The following GMNC variants were observed in gnomAD, a reference collection of about 807,000 sequenced individuals.
The protein encoded by GMNC is geminin coiled-coil domain containing, also known as geminin coiled-coil domain-containing protein 1.
GMNC carries 16 observed loss-of-function variants against 33.6 expected under a neutral mutation model. The observed-to-expected ratio is 0.48, with a 90% CI of 0.32 to 0.72. The LOEUF is 0.72. GMNC is among the 30% of genes least tolerant of loss of function. The probability of loss-of-function intolerance (pLI) is 0.03; values close to 1 mark genes in which losing one functional copy is unlikely to be tolerated. For synonymous variants in GMNC, 156 were observed against 147.3 expected (o/e 1.06, Z -0.43); for missense variants, 393 against 388.9 (o/e 1.01, Z -0.09).
chr3:190,855,347 C>T lies in GMNC; in HGVS notation c.953G>A (p.Arg318His), dbSNP rs114741982. Residue 318 changes from arginine (R) to histidine (H), a missense_variant, in exon 5 of 5, where the codon CGT becomes CAT. By Grantham distance (29) the Arg-to-His change is conservative. Coordinates refer to ENST00000442080, the MANE Select transcript of GMNC (RefSeq NM_001146686.3). ...HSFHQGQAFV[R>H]RDEEGGWKFT... is the part of the protein sequence containing the mutation. ...CTTCCAGCCTCCCTCCTCATCTCGA[C>T]GCACAAAGGCTTGTCCCTGGTGGAA... is the stretch of plus-strand genomic sequence containing the variant. 4.2e-4 allele frequency: 651 copies of T among 1,551,736 alleles called. 2 individuals are homozygous for T. In the African/African-American group the frequency reaches 7.7e-3, roughly 18 times the overall value.
chr3:190,845,460 AATG>A, the GMNC span, among the ~76,000 whole-genome samples: 3 of 151,874 alleles, frequency 2.0e-5, no homozygotes, highest in African/African-American at 7.3e-5. Flanking sequence ...TTCAGAAAGG[AATG>A]ATAAGGTCTA....
At chr3:190,846,103 C>G in the GMNC span, among the ~76,000 whole-genome samples, 1 of 152,034 alleles carries the variant, frequency 6.6e-6, no homozygotes, top group African/African-American at 2.4e-5. Context: ...ATGGCATGCA[C>G]GTGTGATCCC....
downstream of GMNC, among the ~76,000 whole-genome samples, chr3:190,847,796 G>C (rs143344750): frequency 0.01 from 1,580 of 152,228 alleles, 26 homozygotes; most frequent in African/African-American, 0.037. Context: ...GTTAGGATAG[G>C]CTCTTTTCTC....
At chr3:190,852,048 A>G (rs1737643462), downstream of GMNC, among the ~76,000 whole-genome samples, 1 of 152,066 alleles carries the variant, frequency 6.6e-6, no homozygotes, top group Non-Finnish European at 1.5e-5. Flanking sequence ...GTAGCTTGAA[A>G]ACAAATTCTA....
chr3:190,859,449 ATAAT>A (rs1227516115), intron 2 of GMNC, among the ~76,000 whole-genome samples: 6 of 152,248 alleles, frequency 3.9e-5, no homozygotes, highest in African/African-American at 1.4e-4. Context: ...GTTTGGCTCT[ATAAT>A]TAAATTCTAG....
At position 190,854,898 on chromosome 3, in the gene GMNC, A is replaced by C. The variant is rs2108529848; in HGVS notation, c.*397T>G. The C allele has an allele frequency of 5.3e-6, 1 of 188,400 alleles. No homozygotes were observed. The highest frequency in any genetic ancestry group is 2.3e-5 in the African/African-American group (1 of 42,640). The allele number at this position is 188,400 out of a possible 1,614,324, so 11.7% of individuals were successfully genotyped here. A position where few individuals can be genotyped will look rare whatever the true frequency, so the allele number is the denominator to read the frequency against. On this transcript the variant is annotated 3_prime_UTR_variant, in exon 5 of 5. Coordinates refer to ENST00000442080, the MANE Select transcript of GMNC (RefSeq NM_001146686.3). Reference sequence around the variant, plus strand: ...ATTCTAAAGACAGTTTTCAGAAATGACAAAGGGAGAAAAGTAAAAGGGCTG... The same window carrying C: ...ATTCTAAAGACAGTTTTCAGAAATGCCAAAGGGAGAAAAGTAAAAGGGCTG...
rs1014737997 is a variant in GMNC, at chr3:190,862,630, A to G, written c.-15T>C. The G allele has an allele frequency of 6.4e-7, 1 of 1,552,262 alleles. No homozygotes were observed. The highest frequency in any genetic ancestry group is 2.0e-5 in the Admixed American group (1 of 51,018). ...TCACTTACCATCTTGCAGTGGAAGA[A>G]AGCGCTGCAGAAACTGAGCCCACTC... On this transcript the variant is annotated 5_prime_UTR_variant, in exon 1 of 5. Transcript: ENST00000442080. This position sits in a 1 kb window ranked among gnomAD's most constrained non-coding sequence, Gnocchi z 4.5.
At position 190,861,455 on chromosome 3, in the gene GMNC, C is replaced by CATCAATCT. The variant is rs1553787543; in HGVS notation, c.4-598_4-597insAGATTGAT. ...TCTGTCTGTCTGTCTGTCTGCCTAT[C>CATCAATCT]ATCTATCTATCTATCTATCTATCTA... is the stretch of plus-strand genomic sequence containing the variant. On this transcript the variant is annotated intron_variant, in intron 1 of 4. Coordinates refer to ENST00000442080, the MANE Select transcript of GMNC (RefSeq NM_001146686.3). The surrounding 1 kb of genome is among the most constrained non-coding windows in gnomAD (Gnocchi z 5.1). 3.4e-5 allele frequency among the ~76,000 whole-genome samples: 5 copies of CATCAATCT among 145,896 alleles called. No homozygotes were observed. The highest frequency in any genetic ancestry group is 7.5e-5 in the Non-Finnish European group (5 of 66,462).
rs1737694366 is a variant in GMNC at position 190,854,654 on chromosome 3, A to G, written c.*641T>C. 1 of 152,330 alleles carries G rather than the reference A, an allele frequency of 6.6e-6. No individual in the cohort carries two copies. Among genetic ancestry groups the G allele is most frequent in the South Asian group, 2.1e-4 (1 of 4,840 alleles). 9.4% of individuals were successfully genotyped at this position (152,330 alleles called of 1,614,324 possible). On this transcript the variant is annotated 3_prime_UTR_variant, in exon 5 of 5. Transcript: ENST00000442080. ...TAAATTCTTTGTAATTTTAAAGTTT[A>G]TCTGTGATATTGATTATTAGTGGAG...
At position 190,855,450 on chromosome 3, in the gene GMNC, C is replaced by T. The variant is rs1457161048; in HGVS notation, c.850G>A (p.Ala284Thr). 6.4e-7 allele frequency: 1 copy of T among 1,551,936 alleles called. No homozygotes were observed. Among genetic ancestry groups the T allele is most frequent in the East Asian group, 2.4e-5 (1 of 40,916 alleles). Reference sequence around the variant, plus strand: ...TCTGTCTTGTTGGGTGACACATGAGCAGTATAGTAAGGAAGAGTTTTCAGC... The same window carrying T: ...TCTGTCTTGTTGGGTGACACATGAGTAGTATAGTAAGGAAGAGTTTTCAGC... Reference protein sequence around the residue: ...VGLKTLPYYTAHVSPNKTEMA... With the variant: ...VGLKTLPYYTTHVSPNKTEMA... Residue 284 changes from alanine (A) to threonine (T), a missense_variant, in exon 5 of 5, where the codon GCT (alanine) becomes ACT (threonine). By Grantham distance (58) the Ala-to-Thr change is moderately conservative (BLOSUM62 0). Transcript: ENST00000442080.
At position 190,858,982 on chromosome 3, in the gene GMNC, G is replaced by T. The variant is rs770889285; in HGVS notation, c.213C>A (p.Asp71Glu). The change falls in exon 3 of 5, where the codon GAC becomes GAA. Residue 71 changes from aspartate (D) to glutamate (E), a missense_variant. By Grantham distance (45) the Asp-to-Glu change is conservative. Transcript: ENST00000442080. ...GCTGAGCCTCTTCCCATGAGCACAA[G>T]TCCGGAAGAGGAAAATTTGAGTCAC... ...SFSDSNFPLP[D>E]LCSWEEAQLS... The T allele has an allele frequency of 1.9e-6, 3 of 1,549,990 alleles. No individual in the cohort carries two copies. The highest frequency in any genetic ancestry group is 2.6e-6 in the Non-Finnish European group (3 of 1,145,768).
rs370294362 is a variant in GMNC at position 190,857,863 on chromosome 3, C to A, written c.304G>T (p.Ala102Ser). The change falls in exon 4 of 5, where the codon GCC becomes TCC. Residue 102 changes from alanine to serine, a missense_variant. Physicochemically the swap from Ala to Ser is moderately conservative, Grantham distance 99. Transcript: ENST00000442080. ...TGATTATTCTCTTCGTGTAACCTGG[C>A]GAGTTCTTCTTCCTTCTGCACCAGG... The part of the protein sequence containing the change: ...DTLVQKEEEL[A>S]RLHEENNHLR... 3 of 1,550,836 alleles carry A rather than the reference C, an allele frequency of 1.9e-6. No individual in the cohort carries two copies. The highest frequency in any genetic ancestry group is 3.9e-5 in the Admixed American group (2 of 51,004).
At chr3:190,846,944 T>A in the GMNC span, among the ~76,000 whole-genome samples, 10 of 152,218 alleles carry the variant, frequency 6.6e-5, no homozygotes, top group African/African-American at 2.2e-4. Context: ...GATAATATTA[T>A]AACTGATCTC....
chr3:190,860,749 C>A lies in GMNC; in HGVS notation c.113G>T (p.Trp38Leu). ...GAGACCAGCAGCCCAGAAAGAGACC[C>A]AAGTCTCCGTGGAAACGTCAACACT... ...ESSVDVSTET[W>L]VSFWAAGLLD... Residue 38 changes from tryptophan to leucine, a missense_variant, in exon 2 of 5, where the codon TGG becomes TTG. Coordinates refer to ENST00000442080, the MANE Select transcript of GMNC (RefSeq NM_001146686.3). 6 of 1,551,534 alleles carry A rather than the reference C, an allele frequency of 3.9e-6. No homozygotes were observed. Among genetic ancestry groups the A allele is most frequent in the Non-Finnish European group, 5.2e-6 (6 of 1,146,974 alleles).
chr3:190,846,012 G>A, the GMNC span, among the ~76,000 whole-genome samples: 1 of 152,082 alleles, frequency 6.6e-6, no homozygotes, highest in South Asian at 2.1e-4. Flanking sequence ...TGAATTGCCT[G>A]AGCTCAGGAG....
At chr3:190,858,611 G>C (rs894951694) in intron 3 of GMNC, among the ~76,000 whole-genome samples, 1 of 152,252 alleles carries the variant, frequency 6.6e-6, no homozygotes, top group South Asian at 2.1e-4. Flanking sequence ...TATATCATTC[G>C]ATCTTTTCAA....
Position 190,855,785 on chromosome 3 carries a change from C to G in GMNC, c.515G>C (p.Ser172Thr). The G allele has an allele frequency of 6.4e-7, 1 of 1,551,574 alleles. No homozygotes were observed. Among genetic ancestry groups the G allele is most frequent in the Non-Finnish European group, 8.7e-7 (1 of 1,146,922 alleles). ...TTGTTCTTCACAGTTAGCAAATTCACTAGAGAGGTTTCTTTTGGCATTTTT... is the reference window on the plus strand; with the variant it reads ...TTGTTCTTCACAGTTAGCAAATTCAGTAGAGAGGTTTCTTTTGGCATTTTT... ...HPKNAKRNLS[S>T]EFANCEEQAG... The change falls in exon 5 of 5, where the codon AGT becomes ACT. Residue 172 changes from serine (S) to threonine (T), a missense_variant. By Grantham distance (58) the Ser-to-Thr change is moderately conservative. Coordinates refer to ENST00000442080, the MANE Select transcript of GMNC (RefSeq NM_001146686.3).
At position 190,861,669 on chromosome 3, in the gene GMNC, T is replaced by C. The variant is rs1467513670; in HGVS notation, c.4-811A>G. Among the ~76,000 whole-genome samples, 1 of 152,168 alleles carries C rather than the reference T, an allele frequency of 6.6e-6. No homozygotes were observed. The highest frequency in any genetic ancestry group is 1.5e-5 in the Non-Finnish European group (1 of 68,030). On this transcript the variant is annotated intron_variant, in intron 1 of 4. Coordinates refer to ENST00000442080, the MANE Select transcript of GMNC (RefSeq NM_001146686.3). The surrounding 1 kb of genome is among the most constrained non-coding windows in gnomAD (Gnocchi z 5.1). ...ACTAGGGCTCAGTGCCCCTCCAAAG[T>C]TATCTTGCCATTAACTGGCATGTAT...
downstream of GMNC, among the ~76,000 whole-genome samples, chr3:190,848,320 T>A (rs1419327189): frequency 6.6e-6 from 1 of 152,198 alleles, no homozygotes; most frequent in Non-Finnish European, 1.5e-5. Flanking sequence ...ACTGGAAAAG[T>A]TACCATTCTC....
Sources: allele counts gnomAD v4.1 joint callset (sites outside exome capture counted in the v4.1 genomes callset), GRCh38; gene constraint gnomAD v4.1.1; non-coding constraint Gnocchi (gnomAD v3.1); transcripts MANE v1.5; gene names NCBI Gene and HGNC (gene_info 2026-07-23, HGNC 2026-07-21).